Variants in CLEC12A observed in about 807,000 individuals in gnomAD.
CLEC12A encodes the protein C-type lectin domain family 12 member A, also known as C-type lectin protein CLL-1.
Under a neutral mutation model 26.5 loss-of-function variants are expected in CLEC12A, and 22 were observed. The ratio of observed to expected loss-of-function variants is 0.83; its 90% CI spans 0.59 to 1.19. The LOEUF (loss-of-function observed/expected upper bound fraction) is 1.19. CLEC12A is among the 50% of genes most tolerant of loss of function. The pLI is 0.00. For missense variants in CLEC12A, 353 were observed against 315.6 expected (o/e 1.12, Z -0.90); for synonymous variants, 119 against 101.9 (o/e 1.17, Z -1.01).
intron 1 of CLEC12A, among the ~76,000 whole-genome samples, chr12:9,957,032 C>A (rs1169285547): frequency 6.6e-6 from 1 of 152,104 alleles, no homozygotes; most frequent in Non-Finnish European, 1.5e-5. Flanking sequence ...TCGATATAAA[C>A]CAAAATGTAT....
chr12:9,989,451 G>GT (rs1399698010), downstream of CLEC12A, among the ~76,000 whole-genome samples: 16 of 152,274 alleles, frequency 1.1e-4, no homozygotes, highest in African/African-American at 3.6e-4. Flanking sequence ...TATGGAGAAA[G>GT]TTTGGTGGTC....
At chr12:9,970,831 T>C (rs964528969), upstream of CLEC12A, among the ~76,000 whole-genome samples, 1 of 152,204 alleles carries the variant, frequency 6.6e-6, no homozygotes, top group African/African-American at 2.4e-5. Flanking sequence ...TCCCTTAATA[T>C]ATAGGTTGGC....
In CLEC12A at chr12:9,995,038, T is replaced by A. The variant is rs1865003795; in HGVS notation, n.1025T>A. ...ATTAGCAGGTAAGTGACCCAGCTGCTGCTTCTATAACCCATAGTAGTGACT... is the reference window on the plus strand; with the variant it reads ...ATTAGCAGGTAAGTGACCCAGCTGCAGCTTCTATAACCCATAGTAGTGACT... On this transcript the variant is annotated non_coding_transcript_exon_variant, in exon 5 of 5. Coordinates refer to the CLEC12A transcript ENST00000449959. The A allele has an allele frequency of 5.0e-6, 8 of 1,585,428 alleles. No individual in the cohort carries two copies. In the African/African-American group the frequency reaches 5.4e-5, roughly 11 times the overall value.
chr12:9,988,220 C>A (rs1295896245), downstream of CLEC12A, among the ~76,000 whole-genome samples: 2 of 151,966 alleles, frequency 1.3e-5, no homozygotes, highest in East Asian at 3.8e-4. Flanking sequence ...AGGGTGGTTC[C>A]CCTATACTGT....
intron 1 of CLEC12A, among the ~76,000 whole-genome samples, chr12:9,975,536 G>A (rs985912601): frequency 3.3e-5 from 5 of 152,154 alleles, no homozygotes; most frequent in South Asian, 2.1e-4. Flanking sequence ...TTTCTAAGCA[G>A]CAAAGCATTA....
At chr12:9,998,338 A>G (rs1453517636), downstream of CLEC12A, 6 of 1,613,966 alleles carry the variant, frequency 3.7e-6, no homozygotes, top group African/African-American at 6.7e-5. Flanking sequence ...GATCAGCAGA[A>G]TCAAAGCCAT....
chr12:9,996,724 G>C, downstream of CLEC12A: 1 of 962,740 alleles, frequency 1.0e-6, no homozygotes, highest in Non-Finnish European at 1.7e-6. Flanking sequence ...TTTCACAAGG[G>C]TCTTAGATTA....
chr12:9,958,761 A>T (rs1335556029), intron 1 of CLEC12A, among the ~76,000 whole-genome samples: 1 of 152,214 alleles, frequency 6.6e-6, no homozygotes. Flanking sequence ...TTCCACAGAC[A>T]AGTTTATTGG....
At position 9,984,978 on chromosome 12, in the gene CLEC12A, G is replaced by A; in HGVS notation, c.750G>A (p.Lys250=). ...ATAAAAAAAGAATGATATGTGAGAA[G>A]ATGGCCAATCCAGTGCAGCTTGGTT... The part of the protein sequence containing the change: ...CTYKKRMICE[K]MANPVQLGST... Residue 250 remains lysine (K), a synonymous_variant, in exon 6 of 6, where the codon AAG becomes AAA. Coordinates refer to ENST00000304361, the MANE Select transcript of CLEC12A (RefSeq NM_138337.6). 1 of 1,553,896 alleles carries A rather than the reference G, an allele frequency of 6.4e-7. No homozygotes were observed. The highest frequency in any genetic ancestry group is 8.7e-7 in the Non-Finnish European group (1 of 1,147,474).
At chr12:10,001,980 C>T in the CLEC12A span, among the ~76,000 whole-genome samples, 2,341 of 150,930 alleles carry the variant, frequency 0.016, 39 homozygotes, top group Middle Eastern at 0.024. Flanking sequence ...CCTGGGTTCA[C>T]GCCGTTCTCC....
At chr12:9,957,518 A>C (rs1365706009) in intron 1 of CLEC12A, among the ~76,000 whole-genome samples, 1 of 152,014 alleles carries the variant, frequency 6.6e-6, no homozygotes, top group Non-Finnish European at 1.5e-5. Flanking sequence ...AAAAACAAAA[A>C]AAAGGTGTGG....
intron 5 of CLEC12A, chr12:9,983,720 T>C (rs1023696900): frequency 8.4e-6 from 4 of 478,704 alleles, no homozygotes; most frequent in Non-Finnish European, 1.5e-5. Flanking sequence ...TAATGGCAAA[T>C]AGAATTTTTT....
intron 1 of CLEC12A, among the ~76,000 whole-genome samples, chr12:9,961,691 C>T (rs1358220266): frequency 4.0e-5 from 6 of 151,610 alleles, no homozygotes; most frequent in African/African-American, 1.2e-4. Flanking sequence ...TTTAAAATTT[C>T]TGTTTTTAAT....
At chr12:9,976,290 G>A (rs1864332977) in intron 1 of CLEC12A, among the ~76,000 whole-genome samples, 1 of 152,220 alleles carries the variant, frequency 6.6e-6, no homozygotes, top group South Asian at 2.1e-4. Context: ...ATCAGCCCAT[G>A]AAAGCAGCCA....
rs924903132 is a variant in CLEC12A, at chr12:9,977,784, C to G, written c.92-1182C>G. On this transcript the variant is annotated intron_variant, in intron 1 of 5. Transcript: ENST00000304361. Reference sequence around the variant, plus strand: ...ATAGCTGTGAAAACAGGAACTTGTACATCTTGCTCACTTTGATATTGTTAG... The same window carrying G: ...ATAGCTGTGAAAACAGGAACTTGTAGATCTTGCTCACTTTGATATTGTTAG... Among the ~76,000 whole-genome samples, 4 of 152,114 alleles carry G rather than the reference C, an allele frequency of 2.6e-5. No individual in the cohort carries two copies. In the East Asian group the frequency reaches 5.8e-4, roughly 22 times the overall value.
exon 5 of CLEC12A, chr12:9,995,669 C>T (rs891338008): frequency 9.1e-6 from 2 of 218,782 alleles, no homozygotes; most frequent in African/African-American, 2.4e-5. Context: ...GCTCAGCTTG[C>T]CTATAAAATC....
Position 9,978,993 on chromosome 12 carries a change from G to A in CLEC12A, c.119G>A (p.Arg40His), listed in dbSNP as rs185029317. 1.3e-5 allele frequency: 21 copies of A among 1,613,896 alleles called. No homozygotes were observed. The highest frequency in any genetic ancestry group is 1.6e-4 in the Middle Eastern group (1 of 6,062). Residue 40 changes from arginine (R) to histidine (H), a missense_variant, in exon 2 of 6, where the codon CGT becomes CAT. Coordinates refer to ENST00000304361, the MANE Select transcript of CLEC12A (RefSeq NM_138337.6). ...CCTCCAGCTCCCTCTCATGTATGGC[G>A]TCCAGCAGCCTTGTTTCTGACTCTT... is the stretch of plus-strand genomic sequence containing the variant. ...KAPPAPSHVW[R>H]PAALFLTLLC...
chr12:9,970,013 T>G (rs1864067940), upstream of CLEC12A, among the ~76,000 whole-genome samples: 1 of 152,240 alleles, frequency 6.6e-6, no homozygotes, highest in African/African-American at 2.4e-5. Context: ...TAGGATGAAG[T>G]AATCATGTTT....
At chr12:9,952,195 G>A (rs868350422) in intron 1 of CLEC12A, 1 of 91,024 alleles carries the variant, frequency 1.1e-5, no homozygotes, top group Non-Finnish European at 2.2e-5. Flanking sequence ...CTCCCTCTCC[G>A]TCTCCCTCTC....
Sources: gnomAD v4.1 joint callset for allele counts (sites outside exome capture counted in the v4.1 genomes callset) on GRCh38, gnomAD v4.1.1 for gene constraint, MANE v1.5 for transcripts, NCBI Gene and HGNC (gene_info 2026-07-23, HGNC 2026-07-21) for gene names.